Variants in TNFSF8 observed in about 807,000 individuals in gnomAD.
The protein encoded by TNFSF8 is tumor necrosis factor ligand superfamily member 8.
TNFSF8 carries 4 observed loss-of-function variants against 22.0 expected under a neutral mutation model. That is an observed-to-expected ratio of 0.18 (90% CI 0.09 to 0.42). The LOEUF (loss-of-function observed/expected upper bound fraction) is 0.42. Ranked by LOEUF, TNFSF8 falls within the 10% of genes least tolerant of loss-of-function variation. TNFSF8 has a pLI of 1.00. For missense variants in TNFSF8, 233 were observed against 281.8 expected, an observed-to-expected ratio of 0.83 and a Z score of 1.24; for synonymous variants, 106 against 112.5, an observed-to-expected ratio of 0.94 and a Z score of 0.37.
intron 1 of TNFSF8, among the ~76,000 whole-genome samples, chr9:114,921,842 T>C (rs1351459968): frequency 6.6e-6 from 1 of 152,230 alleles, no homozygotes; most frequent in Non-Finnish European, 1.5e-5. Flanking sequence ...TCCGTGGTTA[T>C]CAACGAGGTA....
downstream of TNFSF8, among the ~76,000 whole-genome samples, chr9:114,896,204 T>C (rs1345597834): frequency 6.6e-6 from 1 of 152,210 alleles, no homozygotes; most frequent in Non-Finnish European, 1.5e-5. Context: ...TCTTGGATCA[T>C]ATTAAAATGC....
chr9:114,904,412 A>T, intron 3 of TNFSF8, 87 bp from the exon 4 acceptor site: 1 of 1,499,688 alleles, frequency 6.7e-7, no homozygotes, highest in Non-Finnish European at 8.9e-7. Flanking sequence ...AAAGTTTCCC[A>T]TTCAAGACCC....
In TNFSF8 at chr9:114,902,338, C is replaced by A. The variant is rs1040613037; in HGVS notation, c.*1593G>T. On this transcript the variant is annotated 3_prime_UTR_variant, in exon 4 of 4. Transcript: ENST00000223795. The stretch of plus-strand genomic sequence containing the variant: ...GTGTTTGAAGCAGGAATATATTATG[C>A]AGGGGATGGAGCAGCCATTCCCTGG... 2 of 985,302 alleles carry A rather than the reference C, an allele frequency of 2.0e-6. No individual in the cohort carries two copies. Among genetic ancestry groups the A allele is most frequent in the Non-Finnish European group, 2.4e-6 (2 of 829,938 alleles). The allele number at this position is 985,302 out of a possible 1,614,324, so 61.0% of individuals were successfully genotyped here.
chr9:114,928,314 G>T (rs976666803), intron 1 of TNFSF8, among the ~76,000 whole-genome samples: 1 of 152,166 alleles, frequency 6.6e-6, no homozygotes, highest in South Asian at 2.1e-4. Context: ...AAGCAATCAA[G>T]CAGTATTGGC....
chr9:114,926,124 A>G (rs1828054913), intron 1 of TNFSF8, among the ~76,000 whole-genome samples: 1 of 151,920 alleles, frequency 6.6e-6, no homozygotes, highest in African/African-American at 2.4e-5. Flanking sequence ...TTCTTTCCAT[A>G]TTGATGTAAA....
In TNFSF8 at chr9:114,901,471, GTT is replaced by G; in HGVS notation, c.*2458_*2459del. On this transcript the variant is annotated 3_prime_UTR_variant, in exon 4 of 4. Coordinates refer to ENST00000223795, the MANE Select transcript of TNFSF8 (RefSeq NM_001244.4). ...GTCAGGTACCTCTGCTCAGAGAACA[GTT>G]GGTGAAAAATGAAAATGGAATCTTT... 2 of 985,416 alleles carry G rather than the reference GTT, an allele frequency of 2.0e-6. No individual in the cohort carries two copies. Among genetic ancestry groups the G allele is most frequent in the South Asian group, 9.4e-5 (2 of 21,292 alleles). 61.0% of individuals were successfully genotyped at this position (985,416 alleles called of 1,614,324 possible).
At chr9:114,916,697 AC>A (rs1401784097) in intron 2 of TNFSF8, among the ~76,000 whole-genome samples, 1 of 152,156 alleles carries the variant, frequency 6.6e-6, no homozygotes, top group African/African-American at 2.4e-5. Context: ...AATCCAGCCC[AC>A]CACCTCATTT....
downstream of TNFSF8, among the ~76,000 whole-genome samples, chr9:114,896,908 T>C (rs1827661113): frequency 6.6e-6 from 1 of 152,196 alleles, no homozygotes; most frequent in Non-Finnish European, 1.5e-5. Flanking sequence ...TTTTTTTCTT[T>C]CTTTTTTTTT....
At chr9:114,900,904 C>T (rs1827708816), downstream of TNFSF8, among the ~76,000 whole-genome samples, 1 of 152,150 alleles carries the variant, frequency 6.6e-6, no homozygotes, top group Admixed American at 6.5e-5. Context: ...ATCACTTGAA[C>T]CCAGGAAGGG....
chr9:114,927,286 T>C (rs1387633270), intron 1 of TNFSF8, among the ~76,000 whole-genome samples: 2 of 152,030 alleles, frequency 1.3e-5, no homozygotes, highest in Admixed American at 6.6e-5. Flanking sequence ...TTTAGAACAA[T>C]GTCCTGCACA....
At chr9:114,906,178 AG>A (rs1319837550) in intron 2 of TNFSF8, among the ~76,000 whole-genome samples, 1 of 152,228 alleles carries the variant, frequency 6.6e-6, no homozygotes, top group African/African-American at 2.4e-5. Flanking sequence ...ATAATGTGTC[AG>A]GGGCCATTTT....
intron 1 of TNFSF8, among the ~76,000 whole-genome samples, chr9:114,918,757 C>T (rs991374360): frequency 6.6e-5 from 10 of 152,214 alleles, no homozygotes; most frequent in African/African-American, 2.4e-4. Flanking sequence ...CCCACCACCA[C>T]ACCCAGCTAA....
At position 114,913,729 on chromosome 9, in the gene TNFSF8, A is replaced by C. The variant is rs548286330; in HGVS notation, c.238+4367T>G. Among the ~76,000 whole-genome samples, 264 of 152,328 alleles carry C rather than the reference A, an allele frequency of 1.7e-3. 1 individual carries two copies. The highest frequency in any genetic ancestry group is 3.4e-3 in the Middle Eastern group (1 of 294). On this transcript the variant is annotated intron_variant, in intron 2 of 3. Transcript: ENST00000223795. ...CCTAACCAGCTCTGAAATTTTAGGC[A>C]AGGCAACAAGCCTGTCTGTGCTCCA...
intron 4 of TNFSF8, chr9:114,894,194 A>G: frequency 6.6e-7 from 1 of 1,512,068 alleles, no homozygotes. Flanking sequence ...TACTTTGTAG[A>G]TATCGGCAGG....
At chr9:114,914,354 C>T (rs778285290) in intron 2 of TNFSF8, among the ~76,000 whole-genome samples, 44 of 152,156 alleles carry the variant, frequency 2.9e-4, no homozygotes, top group Non-Finnish European at 1.5e-5. Context: ...CTGTAGATGT[C>T]GCTATTCATA....
intron 2 of TNFSF8, among the ~76,000 whole-genome samples, chr9:114,911,118 A>G (rs1208447343): frequency 6.6e-6 from 1 of 152,202 alleles, no homozygotes; most frequent in African/African-American, 2.4e-5. Flanking sequence ...CAGTTTAGCA[A>G]TGCCACTTAG....
chr9:114,894,698 G>T (rs1229832232), intron 4 of TNFSF8, among the ~76,000 whole-genome samples: 2 of 152,208 alleles, frequency 1.3e-5, no homozygotes, highest in African/African-American at 4.8e-5. Flanking sequence ...TGTGGTGCCT[G>T]AAACCTGGCA....
At chr9:114,904,566 A>G (rs1827762075) in intron 3 of TNFSF8, among the ~76,000 whole-genome samples, 1 of 152,186 alleles carries the variant, frequency 6.6e-6, no homozygotes, top group South Asian at 2.1e-4. Context: ...CACACATGGT[A>G]CTTTACTTCT....
At chr9:114,920,088 G>GGC in intron 1 of TNFSF8, among the ~76,000 whole-genome samples, 1 of 152,192 alleles carries the variant, frequency 6.6e-6, no homozygotes, top group Admixed American at 6.5e-5. Flanking sequence ...AGTTATGCAT[G>GGC]CAGTTTGCAG....
Sources: allele counts gnomAD v4.1 joint callset (sites outside exome capture counted in the v4.1 genomes callset), GRCh38; gene constraint gnomAD v4.1.1; transcripts MANE v1.5; gene names NCBI Gene and HGNC (gene_info 2026-07-23, HGNC 2026-07-21).